Variants in DCDC2 observed in about 807,000 individuals in gnomAD.
DCDC2 encodes doublecortin domain containing 2, also known as doublecortin domain-containing protein 2.
A neutral mutation model predicts 50.2 loss-of-function variants in DCDC2; 40 were observed. The ratio of observed to expected loss-of-function variants is 0.80; its 90% CI spans 0.62 to 1.04. The LOEUF (loss-of-function observed/expected upper bound fraction) is 1.04. Among genes scored for constraint, DCDC2 ranks in the 50% least tolerant of loss-of-function variants. DCDC2 has a pLI of 0.00. For missense variants in DCDC2, 570 were observed against 581.9 expected, an observed-to-expected ratio of 0.98 and a Z score of 0.21; for synonymous variants, 234 against 210.6, an observed-to-expected ratio of 1.11 and a Z score of -0.96.
intron 2 of DCDC2, 117 bp from the exon 3 acceptor site, chr6:24,302,161 A>AAAG (rs1759391227): frequency 1.2e-6 from 1 of 848,714 alleles, no homozygotes; most frequent in Non-Finnish European, 1.8e-6. Context: ...GCCTTTGTTA[A>AAAG]AACCTTGCTT....
chr6:24,345,956 ATC>A (rs1324071998), intron 2 of DCDC2, among the ~76,000 whole-genome samples: 1 of 151,988 alleles, frequency 6.6e-6, no homozygotes, highest in African/African-American at 2.4e-5. Flanking sequence ...GAGCAGGTGG[ATC>A]TCTTGAGGTC....
At chr6:24,202,251 G>T (rs974842744) in intron 8 of DCDC2, among the ~76,000 whole-genome samples, 1 of 152,054 alleles carries the variant, frequency 6.6e-6, no homozygotes, top group Non-Finnish European at 1.5e-5. Context: ...CTGGCAAACC[G>T]AATCCAGAAG....
intron 7 of DCDC2, among the ~76,000 whole-genome samples, chr6:24,234,424 CCA>C (rs1406404907): frequency 6.6e-6 from 1 of 152,016 alleles, no homozygotes; most frequent in Non-Finnish European, 1.5e-5. Flanking sequence ...AGCATGTGAA[CCA>C]CACAGTCAGA....
At chr6:24,360,564 G>T (rs761827853), upstream of DCDC2, among the ~76,000 whole-genome samples, 18 of 152,094 alleles carry the variant, frequency 1.2e-4, no homozygotes, top group Non-Finnish European at 2.5e-4. Flanking sequence ...TGTGAGAATA[G>T]TAACAGCCCC....
At chr6:24,247,084 T>G (rs998356987) in intron 7 of DCDC2, among the ~76,000 whole-genome samples, 1 of 152,134 alleles carries the variant, frequency 6.6e-6, no homozygotes. Context: ...AGACAACTAC[T>G]GCTATGTTTT....
chr6:24,181,433 A>G (rs781292203), intron 8 of DCDC2, among the ~76,000 whole-genome samples: 3 of 152,208 alleles, frequency 2.0e-5, no homozygotes, highest in Admixed American at 1.3e-4. Flanking sequence ...ACTTGAGGTG[A>G]TAAGGAGAGG....
chr6:24,297,000 GACCCATGC>G (rs1299221958), intron 4 of DCDC2, among the ~76,000 whole-genome samples: 2 of 152,232 alleles, frequency 1.3e-5, no homozygotes, highest in Admixed American at 1.3e-4. Flanking sequence ...CTACCATAAA[GACCCATGC>G]ACACATATGT....
At chr6:24,351,808 A>G (rs796252736) in intron 2 of DCDC2, among the ~76,000 whole-genome samples, 2 of 152,342 alleles carry the variant, frequency 1.3e-5, no homozygotes, top group African/African-American at 4.8e-5. Flanking sequence ...TTCTGTTATT[A>G]AAAATACTAT....
chr6:24,259,506 A>G (rs1762964557), intron 7 of DCDC2, among the ~76,000 whole-genome samples: 10 of 152,214 alleles, frequency 6.6e-5, no homozygotes, highest in Admixed American at 6.5e-4. Context: ...GAAACATCAA[A>G]AAGAAAACAA....
upstream of DCDC2, among the ~76,000 whole-genome samples, chr6:24,362,923 C>T (rs1760693847): frequency 6.6e-6 from 1 of 152,186 alleles, no homozygotes; most frequent in African/African-American, 2.4e-5. Flanking sequence ...TGGAGCTCTT[C>T]TCTCTTGTGC....
chr6:24,382,822 T>C, the DCDC2 span, among the ~76,000 whole-genome samples: 1 of 152,204 alleles, frequency 6.6e-6, no homozygotes, highest in African/African-American at 2.4e-5. Flanking sequence ...TGGCCAAGTG[T>C]CTGACTCCAT....
chr6:24,201,320 A>C (rs75559145), intron 8 of DCDC2, among the ~76,000 whole-genome samples: 1 of 152,246 alleles, frequency 6.6e-6, no homozygotes, highest in East Asian at 1.9e-4. Context: ...ACCATAGTAC[A>C]ATCAAATTAG....
chr6:24,279,566 G>A (rs760540116), intron 6 of DCDC2, among the ~76,000 whole-genome samples: 26 of 152,146 alleles, frequency 1.7e-4, no homozygotes, highest in Non-Finnish European at 3.7e-4. Flanking sequence ...GGGCAACAAA[G>A]TGAGACCCCA....
At chr6:24,234,559 C>A (rs1283930846) in intron 7 of DCDC2, among the ~76,000 whole-genome samples, 1 of 152,086 alleles carries the variant, frequency 6.6e-6, no homozygotes, top group Non-Finnish European at 1.5e-5. Flanking sequence ...AGAACCTAAA[C>A]AAGGGTGGCG....
chr6:24,232,757 T>C (rs1286688413), intron 7 of DCDC2, among the ~76,000 whole-genome samples: 1 of 152,018 alleles, frequency 6.6e-6, no homozygotes, highest in Admixed American at 6.6e-5. Flanking sequence ...CTTGACACAG[T>C]GCCTTCCAGA....
rs780946244 is a variant in DCDC2 at position 24,174,851 on chromosome 6, C to A, written c.1327-17G>T. ...TACATCAGCCTAGAAGAAAATAGAT[C>A]AAAACAAAGGTATTCAGCTGTTTGG... On this transcript the variant is annotated splice_polypyrimidine_tract_variant and intron_variant, in intron 9 of 9. Coordinates refer to ENST00000378454, the MANE Select transcript of DCDC2 (RefSeq NM_016356.5). 4.5e-6 allele frequency: 7 copies of A among 1,563,040 alleles called. No homozygotes were observed. In the South Asian group the frequency reaches 7.9e-5, roughly 18 times the overall value.
intron 8 of DCDC2, among the ~76,000 whole-genome samples, chr6:24,193,558 G>A (rs1761355417): frequency 6.6e-6 from 1 of 152,072 alleles, no homozygotes; most frequent in Admixed American, 6.6e-5. Flanking sequence ...CAAAGCAAGT[G>A]AAAAAATAGG....
intron 2 of DCDC2, among the ~76,000 whole-genome samples, chr6:24,332,615 T>C (rs1468919196): frequency 6.6e-6 from 1 of 152,228 alleles, no homozygotes; most frequent in Non-Finnish European, 1.5e-5. Flanking sequence ...GAATAAGTCA[T>C]AGTTTTACGG....
At chr6:24,253,394 T>A (rs933741283) in intron 7 of DCDC2, among the ~76,000 whole-genome samples, 39 of 152,214 alleles carry the variant, frequency 2.6e-4, no homozygotes, top group Non-Finnish European at 7.4e-5. Context: ...AAATGAACTT[T>A]ACCAACATAA....
Sources: gnomAD v4.1 joint callset for allele counts (sites outside exome capture counted in the v4.1 genomes callset) on GRCh38, gnomAD v4.1.1 for gene constraint, MANE v1.5 for transcripts, NCBI Gene and HGNC (gene_info 2026-07-23, HGNC 2026-07-21) for gene names.